The following ABCA4 variants were observed in gnomAD, a reference collection of about 807,000 sequenced individuals.
The protein encoded by ABCA4 is ATP binding cassette subfamily A member 4.
In ABCA4, 196 loss-of-function variants were observed where a neutral mutation model predicts 263.7. The ratio of observed to expected loss-of-function variants is 0.74; its 90% CI spans 0.66 to 0.84. The LOEUF (loss-of-function observed/expected upper bound fraction) is 0.84, where lower values mean the gene tolerates loss of function less well. Among genes scored for constraint, ABCA4 ranks in the 40% least tolerant of loss-of-function variants. The pLI is 0.00. For missense variants in ABCA4, 2,792 were observed against 2,855.1 expected, an observed-to-expected ratio of 0.98 and a Z score of 0.50; for synonymous variants, 1,133 against 1,094.2, an observed-to-expected ratio of 1.04 and a Z score of -0.70.
intron 4 of ABCA4, among the ~76,000 whole-genome samples, chr1:94,108,129 T>C (rs955659758): frequency 3.3e-5 from 5 of 152,192 alleles, no homozygotes; most frequent in Non-Finnish European, 7.3e-5. Context: ...ATTATGCATA[T>C]TTATGTCATG....
At chr1:94,114,878 C>T (rs1017560769) in intron 1 of ABCA4, among the ~76,000 whole-genome samples, 1 of 152,226 alleles carries the variant, frequency 6.6e-6, no homozygotes, top group Non-Finnish European at 1.5e-5. Context: ...TTCCTGAGGA[C>T]AGGAACCTCA....
chr1:94,018,634 A>G, intron 36 of ABCA4: 2 of 454,162 alleles, frequency 4.4e-6, no homozygotes, highest in East Asian at 7.0e-5. Context: ...CAGTTGGTAT[A>G]TCTTATCATC....
rs1203264269 is a variant in ABCA4 at position 94,007,672 on chromosome 1, G to T, written c.5967C>A (p.Thr1989=). ...CGGTGGCATCCCCTGAGGTCACTGTGGTGTCCCCAGTGAGCATCTTGAATG... is the reference window on the plus strand; with the variant it reads ...CGGTGGCATCCCCTGAGGTCACTGTTGTGTCCCCAGTGAGCATCTTGAATG... ...TTTFKMLTGD[T]TVTSGDATVA... The change falls in exon 43 of 50, where the codon ACC becomes ACA. Residue 1989 remains threonine (T), a synonymous_variant. Coordinates refer to ENST00000370225, the MANE Select transcript of ABCA4 (RefSeq NM_000350.3). 3 of 1,613,940 alleles carry T rather than the reference G, an allele frequency of 1.9e-6. No individual in the cohort carries two copies. Among genetic ancestry groups the T allele is most frequent in the African/African-American group, 1.3e-5 (1 of 74,908 alleles).
intron 26 of ABCA4, among the ~76,000 whole-genome samples, chr1:94,034,074 T>C (rs1660277649): frequency 2.0e-5 from 3 of 152,194 alleles, no homozygotes; most frequent in Non-Finnish European, 4.4e-5. Context: ...AGTTACTGAC[T>C]ATGAGTCACC....
At chr1:94,031,652 C>T in intron 27 of ABCA4, 126 bp downstream of exon 27, 2 of 1,319,532 alleles carry the variant, frequency 1.5e-6, no homozygotes, top group Admixed American at 2.0e-5. Context: ...GAAACAAAAC[C>T]AGCAGAATCT....
At chr1:94,117,019 T>TTTCTTTCTTTCTTTCTTTCTTTCTTTC (rs981462171) in intron 1 of ABCA4, among the ~76,000 whole-genome samples, 2 of 144,416 alleles carry the variant, frequency 1.4e-5, no homozygotes, top group African/African-American at 5.2e-5. Context: ...TCTTTCTTTC[T>TTTCTTTCTTTCTTTCTTTCTTTCTTTC]TTCTTTCCTT....
intron 23 of ABCA4, 150 bp downstream of exon 23, chr1:94,041,059 G>T: frequency 1.2e-6 from 1 of 826,046 alleles, no homozygotes; most frequent in Non-Finnish European, 2.0e-6. Flanking sequence ...TTCAGAATGT[G>T]TTCATCGAAA....
At position 94,015,870 on chromosome 1, in the gene ABCA4, G is replaced by A; in HGVS notation, c.5197-16C>T. ...AATAATTCATCTCGGAAAGAGAAGA[G>A]GAGAGCAAGTCACTTAACCTCTCAG... On this transcript the variant is annotated splice_polypyrimidine_tract_variant and intron_variant, in intron 36 of 49. Transcript: ENST00000370225. 2 of 1,604,584 alleles carry A rather than the reference G, an allele frequency of 1.2e-6. No homozygotes were observed. Among genetic ancestry groups the A allele is most frequent in the South Asian group, 2.2e-5 (2 of 89,394 alleles).
In ABCA4 at chr1:94,011,362, C is replaced by A; in HGVS notation, c.5484G>T (p.Val1828=). Residue 1828 remains valine, a synonymous_variant, in exon 39 of 50, where the codon GTG becomes GTT. Coordinates refer to ENST00000370225, the MANE Select transcript of ABCA4 (RefSeq NM_000350.3). ...GGAAGACAATGAGCAGCTTCCTCAG[C>A]ACGGCGTTGAACCTGAGCAGCGTCT... ...NNRTLLRFNA[V]LRKLLIVFPH... The A allele has an allele frequency of 6.2e-7, 1 of 1,614,100 alleles. No individual in the cohort carries two copies. The highest frequency in any genetic ancestry group is 8.5e-7 in the Non-Finnish European group (1 of 1,180,010).
At chr1:94,015,986 G>A (rs1159197446) in intron 36 of ABCA4, 132 bp from the exon 37 acceptor site, 2 of 803,268 alleles carry the variant, frequency 2.5e-6, no homozygotes, top group Admixed American at 2.0e-5. Context: ...TTTTTAAACA[G>A]TTCTTGGTTG....
At chr1:94,103,641 G>A (rs993550129) in intron 4 of ABCA4, among the ~76,000 whole-genome samples, 2 of 152,198 alleles carry the variant, frequency 1.3e-5, no homozygotes, top group African/African-American at 2.4e-5. Flanking sequence ...CTGAGGCTGA[G>A]AAACTCTGGT....
At chr1:94,058,499 C>G (rs889328018) in intron 14 of ABCA4, among the ~76,000 whole-genome samples, 1 of 152,188 alleles carries the variant, frequency 6.6e-6, no homozygotes. Context: ...GTAGCCGGGA[C>G]TACAGGCATG....
At chr1:94,036,907 C>T in intron 25 of ABCA4, 119 bp from the exon 26 acceptor site, 1 of 1,034,186 alleles carries the variant, frequency 9.7e-7, no homozygotes, top group Non-Finnish European at 1.5e-6. Context: ...CATTACGACT[C>T]TATCTGAGAA....
intron 11 of ABCA4, among the ~76,000 whole-genome samples, chr1:94,063,996 A>G (rs1326091728): frequency 6.6e-6 from 1 of 152,096 alleles, no homozygotes; most frequent in African/African-American, 2.4e-5. Context: ...AAATTTGAAT[A>G]TGATGGTTGT....
intron 1 of ABCA4, among the ~76,000 whole-genome samples, chr1:94,119,837 C>T (rs1482325943): frequency 6.6e-6 from 1 of 152,078 alleles, no homozygotes; most frequent in Admixed American, 6.5e-5. Context: ...TCCAGTTGGC[C>T]CCATCACCTA....
At position 94,041,223 on chromosome 1, in the gene ABCA4, T is replaced by C. The variant is rs781521866; in HGVS notation, c.3508A>G (p.Arg1170Gly). Residue 1170 changes from arginine to glycine, a missense_variant, in exon 23 of 50, where the codon AGG (arginine) becomes GGG (glycine). Coordinates refer to ENST00000370225, the MANE Select transcript of ABCA4 (RefSeq NM_000350.3). The part of the protein sequence containing the change: ...VRKMKNIQSQ[R>G]KGSEGTCSCS... ...CAGACACCTACCTCACTGCCTTTCC[T>C]TTGGCTCTGGATGTTTTTCATCTTG... 6.2e-6 allele frequency: 10 copies of C among 1,614,178 alleles called. No homozygotes were observed. In the South Asian group the frequency reaches 1.1e-4, roughly 18 times the overall value.
chr1:94,027,312 C>T (rs930467497), intron 30 of ABCA4, among the ~76,000 whole-genome samples: 1 of 152,172 alleles, frequency 6.6e-6, no homozygotes. Flanking sequence ...AGTAAGGGTT[C>T]GTTTAGGAAA....
chr1:94,097,599 G>C lies in ABCA4; in HGVS notation c.768+1195C>G, dbSNP rs573115426. 1.0e-3 allele frequency among the ~76,000 whole-genome samples: 155 copies of C among 152,336 alleles called. 1 individual carries two copies. The highest frequency in any genetic ancestry group is 1.9e-3 in the Non-Finnish European group (130 of 68,040). ...ATTCTAATTTTGAGTGTTTCTGAAA[G>C]TGTGGCCTACAATGGTCTTCATCAG... On this transcript the variant is annotated intron_variant, in intron 6 of 49. Transcript: ENST00000370225.
chr1:93,996,516 AG>A (rs1283482276), intron 48 of ABCA4, among the ~76,000 whole-genome samples: 4 of 152,168 alleles, frequency 2.6e-5, no homozygotes, highest in African/African-American at 9.7e-5. Flanking sequence ...CTAAAAAAAA[AG>A]GTAATTGATC....
Sources: allele counts gnomAD v4.1 joint callset (sites outside exome capture counted in the v4.1 genomes callset), GRCh38; gene constraint gnomAD v4.1.1; transcripts MANE v1.5; gene names NCBI Gene and HGNC (gene_info 2026-07-23, HGNC 2026-07-21).